The following FHL2 variants were observed in gnomAD, a reference collection of about 807,000 sequenced individuals.
FHL2 encodes four and a half LIM domains 2.
Under a neutral mutation model 32.7 loss-of-function variants are expected in FHL2, and 20 were observed. That is an observed-to-expected ratio of 0.61 (90% CI 0.43 to 0.89). The LOEUF (loss-of-function observed/expected upper bound fraction) is 0.89. FHL2 is among the 40% of genes least tolerant of loss of function. FHL2 has a pLI of 0.00. For missense variants in FHL2, 311 were observed against 358.6 expected (o/e 0.87, Z 1.07); for synonymous variants, 123 against 128.1 (o/e 0.96, Z 0.27).
Position 105,373,697 on chromosome 2 carries a change from A to T in FHL2, c.193T>A (p.Cys65Ser). The T allele has an allele frequency of 6.2e-7, 1 of 1,614,210 alleles. No homozygotes were observed. Among genetic ancestry groups the T allele is most frequent in the Non-Finnish European group, 8.5e-7 (1 of 1,180,048 alleles). ...SYKDRHWHEA[C>S]FHCSQCRNSL... ...TTTCTGCACTGCGAGCAGTGGAAACAGGCTTCATGCCAGTGCCGGTCCTTG... is the reference window on the plus strand; with the variant it reads ...TTTCTGCACTGCGAGCAGTGGAAACTGGCTTCATGCCAGTGCCGGTCCTTG... Residue 65 changes from cysteine (C) to serine (S), a missense_variant, in exon 4 of 7, where the codon TGT (cysteine) becomes AGT (serine). Transcript: ENST00000530340.
At chr2:105,386,818 G>T (rs939701502) in intron 2 of FHL2, among the ~76,000 whole-genome samples, 11 of 129,476 alleles carry the variant, frequency 8.5e-5, no homozygotes, top group African/African-American at 3.4e-4. Flanking sequence ...AGGCTGGAGT[G>T]CAGTGGTGCG....
At chr2:105,430,004 G>A (rs1210474735) in intron 1 of FHL2, among the ~76,000 whole-genome samples, 1 of 152,126 alleles carries the variant, frequency 6.6e-6, no homozygotes, top group African/African-American at 2.4e-5. Flanking sequence ...TTAAAATCTT[G>A]CCTGGGCCCA....
At chr2:105,424,565 G>T (rs1398065188) in intron 1 of FHL2, among the ~76,000 whole-genome samples, 1 of 152,192 alleles carries the variant, frequency 6.6e-6, no homozygotes, top group Non-Finnish European at 1.5e-5. Context: ...CTGCTATAAA[G>T]ATACATGCAC....
intron 1 of FHL2, among the ~76,000 whole-genome samples, chr2:105,427,411 C>T (rs1249401374): frequency 2.0e-5 from 3 of 152,172 alleles, no homozygotes; most frequent in Non-Finnish European, 4.4e-5. Flanking sequence ...GCTTGAAACA[C>T]TTCTGTTTCA....
chr2:105,368,936 T>C (rs564073663), intron 4 of FHL2, among the ~76,000 whole-genome samples: 4 of 152,356 alleles, frequency 2.6e-5, no homozygotes, highest in African/African-American at 9.6e-5. Flanking sequence ...AATGAAGTTT[T>C]ATTGGAACAC....
At chr2:105,421,540 G>T (rs947602712) in intron 1 of FHL2, among the ~76,000 whole-genome samples, 17 of 152,026 alleles carry the variant, frequency 1.1e-4, no homozygotes, top group African/African-American at 2.2e-4. Flanking sequence ...CCCATTTTTT[G>T]TTGTTGTTGT....
At chr2:105,393,485 T>A (rs1343564083) in intron 2 of FHL2, among the ~76,000 whole-genome samples, 2 of 152,160 alleles carry the variant, frequency 1.3e-5, no homozygotes, top group Admixed American at 1.3e-4. Context: ...TGGGCTCTTT[T>A]AAAAAATACA....
intron 1 of FHL2, among the ~76,000 whole-genome samples, chr2:105,435,932 A>T (rs924219553): frequency 3.3e-5 from 5 of 152,348 alleles, no homozygotes; most frequent in Middle Eastern, 3.4e-3. Context: ...AAAACAGATC[A>T]AGTATGTTTT....
chr2:105,366,724 T>G (rs1680658792), intron 5 of FHL2, among the ~76,000 whole-genome samples: 2 of 152,196 alleles, frequency 1.3e-5, no homozygotes, highest in Non-Finnish European at 2.9e-5. Flanking sequence ...TAGCACATTA[T>G]CGAGTAGATA....
chr2:105,394,524 G>A (rs926484749), intron 2 of FHL2, among the ~76,000 whole-genome samples: 2 of 150,708 alleles, frequency 1.3e-5, no homozygotes, highest in Non-Finnish European at 2.9e-5. Flanking sequence ...AGTGAGCTAT[G>A]ATGGCACCTG....
intron 1 of FHL2, among the ~76,000 whole-genome samples, chr2:105,428,723 G>A (rs1316506308): frequency 2.0e-5 from 3 of 152,174 alleles, no homozygotes; most frequent in Non-Finnish European, 2.9e-5. Flanking sequence ...CTGTGTGCCC[G>A]GACCCTGTGT....
chr2:105,361,523 A>G (rs1306007200), intron 6 of FHL2, 89 bp from the exon 7 acceptor site: 2 of 1,248,834 alleles, frequency 1.6e-6, no homozygotes, highest in African/African-American at 3.0e-5. Context: ...GATCCATTTC[A>G]AAGTTTGGAT....
upstream of FHL2, among the ~76,000 whole-genome samples, chr2:105,400,433 C>T (rs1276576896): frequency 1.3e-5 from 2 of 151,920 alleles, no homozygotes; most frequent in African/African-American, 4.8e-5. Context: ...GAGTTAAGGC[C>T]ACCCTACCTG....
At chr2:105,419,355 C>G (rs967396648) in intron 1 of FHL2, among the ~76,000 whole-genome samples, 1 of 152,194 alleles carries the variant, frequency 6.6e-6, no homozygotes, top group Non-Finnish European at 1.5e-5. Context: ...ATCCCTCACC[C>G]CCTTCCCACC....
At chr2:105,404,588 T>A (rs1389841875) in intron 1 of FHL2, among the ~76,000 whole-genome samples, 1 of 152,170 alleles carries the variant, frequency 6.6e-6, no homozygotes, top group Non-Finnish European at 1.5e-5. Context: ...CTGGGTGCAG[T>A]TGTGACGGGA....
intron 1 of FHL2, among the ~76,000 whole-genome samples, chr2:105,414,373 C>T (rs540566800): frequency 6.6e-6 from 1 of 152,242 alleles, no homozygotes; most frequent in South Asian, 2.1e-4. Flanking sequence ...GCCCCTCTGC[C>T]CTCCTGGGAG....
upstream of FHL2, among the ~76,000 whole-genome samples, chr2:105,401,715 C>T (rs13382917): frequency 5.3e-5 from 8 of 152,090 alleles, no homozygotes; most frequent in East Asian, 1.9e-4. Context: ...TTAAAATGAA[C>T]GAGGTAACTA....
intron 1 of FHL2, among the ~76,000 whole-genome samples, chr2:105,411,761 G>A (rs1239104706): frequency 6.6e-6 from 1 of 151,606 alleles, no homozygotes; most frequent in Non-Finnish European, 1.5e-5. Flanking sequence ...GGCGGAGGTT[G>A]TGGTAAGCCG....
chr2:105,420,939 C>G (rs1247374116), intron 1 of FHL2, among the ~76,000 whole-genome samples: 1 of 152,172 alleles, frequency 6.6e-6, no homozygotes, highest in Non-Finnish European at 1.5e-5. Context: ...AAGTACCGGT[C>G]TATGGCCTGG....
Sources: allele counts gnomAD v4.1 joint callset (sites outside exome capture counted in the v4.1 genomes callset), GRCh38; gene constraint gnomAD v4.1.1; transcripts MANE v1.5; gene names NCBI Gene and HGNC (gene_info 2026-07-23, HGNC 2026-07-21).